Variants in GPD1 observed in about 807,000 individuals in gnomAD.
GPD1 encodes glycerol-3-phosphate dehydrogenase [NAD(+)], cytoplasmic.
Under a neutral mutation model 34.4 loss-of-function variants are expected in GPD1, and 19 were observed. The ratio of observed to expected loss-of-function variants is 0.55; its 90% CI spans 0.39 to 0.81. The LOEUF (loss-of-function observed/expected upper bound fraction) is 0.81, where lower values mean the gene tolerates loss of function less well. Ranked by LOEUF, GPD1 falls within the 30% of genes least tolerant of loss-of-function variation. The pLI, the probability that GPD1 is intolerant of heterozygous loss-of-function variation, is 0.00. For missense variants in GPD1, 429 were observed against 447.0 expected (o/e 0.96, Z 0.36); for synonymous variants, 172 against 174.1 (o/e 0.99, Z 0.09).
In GPD1 at chr12:50,106,910, C is replaced by G. The variant is rs764224317; in HGVS notation, c.605C>G (p.Ala202Gly). 3.2e-5 allele frequency: 51 copies of G among 1,597,634 alleles called. No individual in the cohort carries two copies. Among genetic ancestry groups the G allele is most frequent in the Non-Finnish European group, 4.1e-5 (48 of 1,165,118 alleles). The change falls in exon 5 of 8, where the codon GCC (alanine) becomes GGC (glycine). Residue 202 changes from alanine to glycine, a missense_variant. Physicochemically the swap from Ala to Gly is moderately conservative, Grantham distance 60. Coordinates refer to ENST00000301149, the MANE Select transcript of GPD1 (RefSeq NM_005276.4). ...QEVDTVEICG[A>G]LKNVVAVGAG... ...GTGGACACAGTAGAGATCTGTGGAG[C>G]CTTAAAGGTGAGAGGGGCACAGAGG... is the stretch of plus-strand genomic sequence containing the variant.
Position 50,105,700 on chromosome 12 carries a change from A to G in GPD1, c.360+12A>G. 1 of 1,613,752 alleles carries G rather than the reference A, an allele frequency of 6.2e-7. No individual in the cohort carries two copies. The highest frequency in any genetic ancestry group is 1.7e-5 in the Admixed American group (1 of 60,014). ...TATCTCTTATTAAGGTGCCAGGGAC[A>G]CCTTCATGTGGATGGGGGAGGGTGC... On this transcript the variant is annotated intron_variant, in intron 3 of 7. Transcript: ENST00000301149.
intron 1 of GPD1, 152 bp downstream of exon 1, chr12:50,104,243 C>A: frequency 1.3e-6 from 1 of 794,352 alleles, no homozygotes; most frequent in Non-Finnish European, 2.2e-6. Flanking sequence ...CGGTGCCCGG[C>A]CCTCTCCTGA....
At chr12:50,104,883 G>T (rs1053040736) in intron 2 of GPD1, 132 bp downstream of exon 2, 2 of 675,988 alleles carry the variant, frequency 3.0e-6, no homozygotes, top group Non-Finnish European at 5.1e-6. Flanking sequence ...GGTCTCAGGA[G>T]GGCTGCTCTG....
At chr12:50,105,261 CT>C in intron 2 of GPD1, 2 of 415,728 alleles carry the variant, frequency 4.8e-6, no homozygotes, top group Non-Finnish European at 8.6e-6. Context: ...GCCCAGGCTG[CT>C]TTTGGCCTCC....
intron 3 of GPD1, 96 bp downstream of exon 3, chr12:50,105,784 C>T (rs1307776863): frequency 7.9e-6 from 10 of 1,269,878 alleles, no homozygotes; most frequent in Non-Finnish European, 1.1e-5. Flanking sequence ...ATGGCAGACG[C>T]AGGCCAAGAG....
intron 2 of GPD1, chr12:50,105,167 A>T: frequency 6.5e-6 from 2 of 308,862 alleles, no homozygotes; most frequent in Non-Finnish European, 1.2e-5. Flanking sequence ...GGAAGAGAGC[A>T]GAAAGGCTGG....
Position 50,109,512 on chromosome 12 carries a change from A to T in GPD1, c.1043A>T (p.His348Leu). 1.3e-6 allele frequency: 2 copies of T among 1,527,622 alleles called. No homozygotes were observed. Among genetic ancestry groups the T allele is most frequent in the Non-Finnish European group, 1.8e-6 (2 of 1,100,578 alleles). 94.6% of individuals were successfully genotyped at this position (1,527,622 alleles called of 1,614,324 possible). A position where few individuals can be genotyped will look rare whatever the true frequency, so the allele number is the denominator to read the frequency against. Reference sequence around the variant, plus strand: ...CACTGCCTGCAGAATCATCCAGAACATATGTGAGTGGGGCCAGGGCCCAGG... The same window carrying T: ...CACTGCCTGCAGAATCATCCAGAACTTATGTGAGTGGGGCCAGGGCCCAGG... Reference protein sequence around the residue: ...FIHCLQNHPEHM With the variant: ...FIHCLQNHPELM Residue 348 changes from histidine (H) to leucine (L), a missense_variant, in exon 8 of 8, where the codon CAT (histidine) becomes CTT (leucine). By Grantham distance (99) the His-to-Leu change is moderately conservative (BLOSUM62 -3). Coordinates refer to ENST00000301149, the MANE Select transcript of GPD1 (RefSeq NM_005276.4).
rs546493696 is a variant in GPD1 at position 50,109,122 on chromosome 12, G to A, written c.954-301G>A. On this transcript the variant is annotated intron_variant, in intron 7 of 7. Coordinates refer to ENST00000301149, the MANE Select transcript of GPD1 (RefSeq NM_005276.4). ...TGCGCTCCAGCCTAGGCGACAGAGC[G>A]AGAGTCTGTCTCAAAAAAAAAAAAA... Among the ~76,000 whole-genome samples, 6 of 133,072 alleles carry A rather than the reference G, an allele frequency of 4.5e-5. No individual in the cohort carries two copies. In the South Asian group the frequency reaches 9.5e-4, roughly 21 times the overall value. 87.3% of individuals were successfully genotyped at this position (133,072 alleles called of 152,430 possible).
chr12:50,104,501 G>A (rs761805771), intron 1 of GPD1, 73 bp from the exon 2 acceptor site: 3 of 1,172,516 alleles, frequency 2.6e-6, no homozygotes, highest in South Asian at 1.2e-5. Context: ...GTGAGATCCT[G>A]AGGTGGGGCG....
intron 2 of GPD1, 57 bp from the exon 3 acceptor site, chr12:50,105,491 T>A: frequency 6.4e-7 from 1 of 1,568,314 alleles, no homozygotes; most frequent in Non-Finnish European, 8.7e-7. Flanking sequence ...CTGAATAGGG[T>A]TCCACAGGGG....
Position 50,108,006 on chromosome 12 carries a change from A to T in GPD1, c.847-18A>T, listed in dbSNP as rs778466670. On this transcript the variant is annotated intron_variant, in intron 6 of 7. Transcript: ENST00000301149. ...CCTTCTCTCCCATTTCCATCCACTC[A>T]TCCTGTTTTCTGCACAGTCCATTGA... 29 of 1,527,158 alleles carry T rather than the reference A, an allele frequency of 1.9e-5. No individual in the cohort carries two copies. In the Admixed American group the frequency reaches 4.8e-4, roughly 25 times the overall value. The allele number at this position is 1,527,158 out of a possible 1,614,324, so 94.6% of individuals were successfully genotyped here.
chr12:50,106,930 C>T lies in GPD1; in HGVS notation c.612+13C>T. On this transcript the variant is annotated intron_variant, in intron 5 of 7. Coordinates refer to ENST00000301149, the MANE Select transcript of GPD1 (RefSeq NM_005276.4). ...TGGAGCCTTAAAGGTGAGAGGGGCA[C>T]AGAGGCAGCTATGGGGTGAGGAGAA... 1 of 1,504,644 alleles carries T rather than the reference C, an allele frequency of 6.6e-7. No individual in the cohort carries two copies. Among genetic ancestry groups the T allele is most frequent in the Non-Finnish European group, 9.3e-7 (1 of 1,080,170 alleles). 93.2% of individuals were successfully genotyped at this position (1,504,644 alleles called of 1,614,324 possible).
chr12:50,105,041 C>A, intron 2 of GPD1: 1 of 437,270 alleles, frequency 2.3e-6, no homozygotes, highest in Non-Finnish European at 4.1e-6. Context: ...TGCCTGCCTC[C>A]GGCACTAATC....
At position 50,105,702 on chromosome 12, in the gene GPD1, C is replaced by G. The variant is rs970211430; in HGVS notation, c.360+14C>G. On this transcript the variant is annotated intron_variant, in intron 3 of 7. Transcript: ENST00000301149. ...TCTCTTATTAAGGTGCCAGGGACAC[C>G]TTCATGTGGATGGGGGAGGGTGCGG... 1 of 1,613,546 alleles carries G rather than the reference C, an allele frequency of 6.2e-7. No homozygotes were observed. Among genetic ancestry groups the G allele is most frequent in the Non-Finnish European group, 8.5e-7 (1 of 1,179,614 alleles).
At chr12:50,107,199 A>G in intron 5 of GPD1, 1 of 657,338 alleles carries the variant, frequency 1.5e-6, no homozygotes, top group Non-Finnish European at 2.8e-6. Context: ...CCAGGGGGAC[A>G]AGGAGATGCC....
chr12:50,104,136 A>T (rs780234140), intron 1 of GPD1, 45 bp downstream of exon 1: 1 of 1,576,178 alleles, frequency 6.3e-7, no homozygotes, highest in South Asian at 1.1e-5. Context: ...TAGGCCCCCC[A>T]AGACAGAGGT....
chr12:50,104,338 G>T, intron 1 of GPD1: 1 of 705,416 alleles, frequency 1.4e-6, no homozygotes. Flanking sequence ...TTGAGTTTGG[G>T]GGTGGGAAGA....
In GPD1 at chr12:50,104,216, T is replaced by C. The variant is rs1309133610; in HGVS notation, c.41+125T>C. ...CAGCCCCTGCTGCTATCTTCTATCATAGCAGCACAGGACAGACGGTGCCCG... is the reference window on the plus strand; with the variant it reads ...CAGCCCCTGCTGCTATCTTCTATCACAGCAGCACAGGACAGACGGTGCCCG... On this transcript the variant is annotated intron_variant, in intron 1 of 7. Transcript: ENST00000301149. The C allele has an allele frequency of 2.3e-5, 22 of 938,812 alleles. No individual in the cohort carries two copies. The Admixed American group carries it at 3.4e-4, about 14-fold the overall frequency. 58.2% of individuals were successfully genotyped at this position (938,812 alleles called of 1,614,324 possible).
At chr12:50,108,161 G>T in intron 7 of GPD1, 31 bp downstream of exon 7, 1 of 1,240,926 alleles carries the variant, frequency 8.1e-7, no homozygotes, top group East Asian at 2.4e-5. Flanking sequence ...CACTGATTAA[G>T]GGAGCCACAG....
Sources: gnomAD v4.1 joint callset for allele counts (sites outside exome capture counted in the v4.1 genomes callset) on GRCh38, gnomAD v4.1.1 for gene constraint, MANE v1.5 for transcripts, NCBI Gene and HGNC (gene_info 2026-07-23, HGNC 2026-07-21) for gene names.